The following THSD7B variants were observed in gnomAD, a reference collection of about 807,000 sequenced individuals.
THSD7B encodes the protein thrombospondin type 1 domain containing 7B, also known as thrombospondin type-1 domain-containing protein 7B.
In THSD7B, 138 loss-of-function variants were observed where a neutral mutation model predicts 213.6. The observed-to-expected ratio is 0.65, with a 90% CI of 0.56 to 0.74. THSD7B has a LOEUF of 0.74. Ranked by LOEUF, THSD7B falls within the 30% of genes least tolerant of loss-of-function variation. The pLI, the probability that THSD7B is intolerant of heterozygous loss-of-function variation, is 0.00. For missense variants in THSD7B, 1,931 were observed against 1,991.5 expected (o/e 0.97, Z 0.58); for synonymous variants, 742 against 687.0 (o/e 1.08, Z -1.25).
At chr2:137,373,281 C>G (rs1285960976) in intron 12 of THSD7B, among the ~76,000 whole-genome samples, 1 of 152,190 alleles carries the variant, frequency 6.6e-6, no homozygotes, top group African/African-American at 2.4e-5. Context: ...ACACTGACTT[C>G]CACAATGGTT....
intron 2 of THSD7B, among the ~76,000 whole-genome samples, chr2:136,996,099 C>T (rs1192782431): frequency 6.6e-6 from 1 of 152,132 alleles, no homozygotes; most frequent in Non-Finnish European, 1.5e-5. Flanking sequence ...TGCAGTTATG[C>T]TGATTTTTAT....
intron 2 of THSD7B, among the ~76,000 whole-genome samples, chr2:137,019,530 T>C (rs1366724019): frequency 6.6e-6 from 1 of 152,190 alleles, no homozygotes; most frequent in African/African-American, 2.4e-5. Flanking sequence ...TTTATAATTA[T>C]TTGCCTTTGT....
chr2:137,506,106 G>T (rs779714693), intron 15 of THSD7B, among the ~76,000 whole-genome samples: 1 of 152,138 alleles, frequency 6.6e-6, no homozygotes, highest in Non-Finnish European at 1.5e-5. Context: ...GCGGCTGAGT[G>T]GGAGACAGGA....
chr2:137,502,290 A>G (rs1225406354), intron 15 of THSD7B, among the ~76,000 whole-genome samples: 1 of 148,792 alleles, frequency 6.7e-6, no homozygotes, highest in East Asian at 1.9e-4. Context: ...TTACTGACAG[A>G]TAGATAAATA....
chr2:137,298,015 C>T lies in THSD7B; in HGVS notation c.2500+21989C>T, dbSNP rs1344368585. ...AAAAACTTTGGAACTGGGTAGCAGG[C>T]AGAAGTTGGAACAATTTGGAGGGCT... On this transcript the variant is annotated intron_variant, in intron 12 of 27. Transcript: ENST00000409968. Among the ~76,000 whole-genome samples the T allele has an allele frequency of 2.0e-5, 3 of 151,994 alleles. No individual in the cohort carries two copies. In the East Asian group the frequency reaches 5.8e-4, roughly 29 times the overall value.
At chr2:137,006,988 A>G (rs1172932059) in intron 2 of THSD7B, among the ~76,000 whole-genome samples, 1 of 152,228 alleles carries the variant, frequency 6.6e-6, no homozygotes, top group Non-Finnish European at 1.5e-5. Context: ...TACTGAAATC[A>G]GTATTGCTCA....
At chr2:136,817,579 A>G (rs1682495183) in intron 1 of THSD7B, among the ~76,000 whole-genome samples, 1 of 150,098 alleles carries the variant, frequency 6.7e-6, no homozygotes, top group Non-Finnish European at 1.5e-5. Flanking sequence ...CTTTCTACAT[A>G]TGGCTAGCCA....
intron 3 of THSD7B, among the ~76,000 whole-genome samples, chr2:137,092,982 A>G (rs975103838): frequency 6.6e-6 from 1 of 152,122 alleles, no homozygotes; most frequent in Non-Finnish European, 1.5e-5. Flanking sequence ...CATTACCAAA[A>G]TCTCTCTGTC....
chr2:137,242,956 G>T (rs1416327708), intron 10 of THSD7B, among the ~76,000 whole-genome samples: 1 of 152,092 alleles, frequency 6.6e-6, no homozygotes, highest in Non-Finnish European at 1.5e-5. Context: ...AGAATATAGG[G>T]CTCGAATACA....
intron 1 of THSD7B, among the ~76,000 whole-genome samples, chr2:136,784,226 TAAAGTATTCTTCAGGGCAAAACA>T (rs1237714133): frequency 6.6e-6 from 1 of 152,160 alleles, no homozygotes; most frequent in Non-Finnish European, 1.5e-5. Context: ...AGCTGAATAT[TAAAGTATTCTTCAGGGCAAAACA>T]AAAGTAATCA....
intron 1 of THSD7B, among the ~76,000 whole-genome samples, chr2:136,781,639 C>T (rs1021846602): frequency 6.6e-6 from 1 of 151,932 alleles, no homozygotes; most frequent in African/African-American, 2.4e-5. Context: ...CTACTATGGC[C>T]CCTCCCCTCT....
chr2:137,574,296 G>T (rs1038168247), intron 17 of THSD7B, among the ~76,000 whole-genome samples: 4 of 151,896 alleles, frequency 2.6e-5, no homozygotes, highest in Admixed American at 2.6e-4. Context: ...CTTCTTTTTC[G>T]AAACATAATT....
At chr2:136,900,069 A>G (rs1684039121) in intron 2 of THSD7B, among the ~76,000 whole-genome samples, 1 of 152,200 alleles carries the variant, frequency 6.6e-6, no homozygotes, top group African/African-American at 2.4e-5. Flanking sequence ...AGTGAGAGTG[A>G]TAAAGAGATT....
rs148245090 is a variant in THSD7B, at chr2:137,245,973, A to T, written c.2266+3401A>T. Among the ~76,000 whole-genome samples, 1,221 of 152,268 alleles carry T rather than the reference A, an allele frequency of 8.0e-3. 14 individuals are homozygous for T. Among genetic ancestry groups the T allele is most frequent in the African/African-American group, 0.028 (1,176 of 41,534 alleles). The stretch of plus-strand genomic sequence containing the variant: ...ATATTTCTATAAGTTCCCAGGTGAT[A>T]CATATATGTTGGGTATAAAGCTCTA... On this transcript the variant is annotated intron_variant, in intron 10 of 27. Coordinates refer to ENST00000409968, the MANE Select transcript of THSD7B (RefSeq NM_001316349.2).
At chr2:137,572,309 T>C (rs1265025551) in intron 16 of THSD7B, 97 bp from the exon 17 acceptor site, 1 of 1,407,018 alleles carries the variant, frequency 7.1e-7, no homozygotes, top group Non-Finnish European at 9.7e-7. Context: ...TTATGTTATA[T>C]TTAACTATCG....
intron 25 of THSD7B, among the ~76,000 whole-genome samples, chr2:137,660,520 G>A (rs1281831118): frequency 2.0e-5 from 3 of 152,158 alleles, no homozygotes; most frequent in Admixed American, 1.3e-4. Context: ...GGGTCAGCTT[G>A]CAGAGGGGAA....
intron 12 of THSD7B, among the ~76,000 whole-genome samples, chr2:137,327,507 C>G (rs1273467963): frequency 2.0e-5 from 3 of 152,100 alleles, no homozygotes; most frequent in African/African-American, 7.2e-5. Flanking sequence ...CTCCTCTGCT[C>G]TCTATCTCCT....
At chr2:137,002,752 G>GTTTTCCCC (rs1262744768) in intron 2 of THSD7B, among the ~76,000 whole-genome samples, 1 of 151,946 alleles carries the variant, frequency 6.6e-6, no homozygotes, top group Non-Finnish European at 1.5e-5. Flanking sequence ...ACTGTTTCCT[G>GTTTTCCCC]TTTTCCCCTT....
intron 15 of THSD7B, among the ~76,000 whole-genome samples, chr2:137,505,263 T>C (rs1679807957): frequency 6.6e-6 from 1 of 152,230 alleles, no homozygotes; most frequent in Non-Finnish European, 1.5e-5. Flanking sequence ...GATGATATGC[T>C]TTAATATGCA....
Sources: gnomAD v4.1 joint callset for allele counts (sites outside exome capture counted in the v4.1 genomes callset) on GRCh38, gnomAD v4.1.1 for gene constraint, MANE v1.5 for transcripts, NCBI Gene and HGNC (gene_info 2026-07-23, HGNC 2026-07-21) for gene names.